RNF144A: variants seen among roughly 807,000 people sequenced by gnomAD.
The protein encoded by RNF144A is E3 ubiquitin-protein ligase RNF144A.
RNF144A carries 11 observed loss-of-function variants against 38.7 expected under a neutral mutation model. The ratio of observed to expected loss-of-function variants is 0.28; its 90% CI spans 0.18 to 0.47. The LOEUF is 0.47. Among genes scored for constraint, RNF144A ranks in the 20% least tolerant of loss-of-function variants. RNF144A has a pLI of 0.99. For synonymous variants in RNF144A, 149 were observed against 143.9 expected (o/e 1.04, Z -0.25); for missense variants, 316 against 377.2 (o/e 0.84, Z 1.34).
At chr2:7,052,370 C>T (rs940255101) in intron 6 of RNF144A, among the ~76,000 whole-genome samples, 8 of 152,114 alleles carry the variant, frequency 5.3e-5, no homozygotes, top group African/African-American at 1.7e-4. Context: ...TTATTTTGTG[C>T]CCATTTTATA....
At chr2:6,923,862 G>A (rs1664700307) in intron 1 of RNF144A, among the ~76,000 whole-genome samples, 1 of 150,040 alleles carries the variant, frequency 6.7e-6, no homozygotes, top group Non-Finnish European at 1.5e-5. Flanking sequence ...ACTGATTTAT[G>A]TAACCATCCT....
At chr2:6,930,650 G>A (rs1665149497) in intron 1 of RNF144A, among the ~76,000 whole-genome samples, 1 of 152,004 alleles carries the variant, frequency 6.6e-6, no homozygotes, top group African/African-American at 2.4e-5. Flanking sequence ...GGAGTGCAGT[G>A]GTGCAATCTC....
chr2:7,067,213 G>A (rs1674269692), intron 6 of RNF144A, among the ~76,000 whole-genome samples: 6 of 152,152 alleles, frequency 3.9e-5, no homozygotes, highest in Admixed American at 3.9e-4. Context: ...AATTCTCCAA[G>A]CTTCCTCCAA....
At chr2:6,972,434 C>T (rs1042554305) in intron 2 of RNF144A, among the ~76,000 whole-genome samples, 1 of 152,106 alleles carries the variant, frequency 6.6e-6, no homozygotes, top group African/African-American at 2.4e-5. Flanking sequence ...CTTATTTTTT[C>T]CTTTTTAGAA....
rs901960341 is a variant in RNF144A, at chr2:7,040,600, C to T, written c.*840C>T. 18 of 985,312 alleles carry T rather than the reference C, an allele frequency of 1.8e-5. No homozygotes were observed. Among genetic ancestry groups the T allele is most frequent in the African/African-American group, 8.7e-5 (5 of 57,228 alleles). 61.0% of individuals were successfully genotyped at this position (985,312 alleles called of 1,614,324 possible). A position where few individuals can be genotyped will look rare whatever the true frequency, so the allele number is the denominator to read the frequency against. On this transcript the variant is annotated 3_prime_UTR_variant, in exon 9 of 9. Transcript: ENST00000320892. ...CCCTTCTCTCCCAGGTAGCAGAAAACGCTTTTTATTGTATTCAATCCCACT... is the reference window on the plus strand; with the variant it reads ...CCCTTCTCTCCCAGGTAGCAGAAAATGCTTTTTATTGTATTCAATCCCACT...
intron 6 of RNF144A, among the ~76,000 whole-genome samples, chr2:7,067,103 A>G (rs111352039): frequency 1.3e-3 from 205 of 152,330 alleles, no homozygotes; most frequent in African/African-American, 4.7e-3. Context: ...GAGAGAAATT[A>G]TGTTTCAGAA....
chr2:7,035,170 G>A (rs2103454499), intron 8 of RNF144A, among the ~76,000 whole-genome samples: 1 of 152,240 alleles, frequency 6.6e-6, no homozygotes, highest in East Asian at 1.9e-4. Flanking sequence ...CTCTTGCCCT[G>A]TTTTGTTCCT....
At chr2:6,990,687 G>C (rs1669308132) in intron 2 of RNF144A, among the ~76,000 whole-genome samples, 2 of 151,784 alleles carry the variant, frequency 1.3e-5, no homozygotes, top group African/African-American at 2.4e-5. Flanking sequence ...TTGCCAGGGG[G>C]GTAAACTTTG....
chr2:7,043,770 C>T lies in RNF144A; in HGVS notation c.*4010C>T, dbSNP rs1012406138. 31 of 985,738 alleles carry T rather than the reference C, an allele frequency of 3.1e-5. No homozygotes were observed. The highest frequency in any genetic ancestry group is 9.4e-5 in the South Asian group (2 of 21,292). 61.1% of individuals were successfully genotyped at this position (985,738 alleles called of 1,614,324 possible). On this transcript the variant is annotated 3_prime_UTR_variant, in exon 9 of 9. Transcript: ENST00000320892. ...TGTGCAATTCTGTCTTCCACAGTTCCGGAGCCTTCAGTGAGGGGTAGCTAC... is the reference window on the plus strand; with the variant it reads ...TGTGCAATTCTGTCTTCCACAGTTCTGGAGCCTTCAGTGAGGGGTAGCTAC...
chr2:7,049,094 G>A (rs1364122257), downstream of RNF144A, among the ~76,000 whole-genome samples: 3 of 152,226 alleles, frequency 2.0e-5, no homozygotes. Context: ...TGCACCTGGA[G>A]GGAAGGCAGG....
At position 7,043,056 on chromosome 2, in the gene RNF144A, C is replaced by T. The variant is rs57704169; in HGVS notation, c.*3296C>T. The T allele has an allele frequency of 5.5e-4, 283 of 513,918 alleles. No individual in the cohort carries two copies. Among genetic ancestry groups the T allele is most frequent in the African/African-American group, 5.4e-3 (261 of 48,048 alleles). 31.8% of individuals were successfully genotyped at this position (513,918 alleles called of 1,614,324 possible). A position where few individuals can be genotyped will look rare whatever the true frequency, so the allele number is the denominator to read the frequency against. On this transcript the variant is annotated 3_prime_UTR_variant, in exon 9 of 9. Coordinates refer to ENST00000320892, the MANE Select transcript of RNF144A (RefSeq NM_014746.6). ...CTAATTTTTGTATTTTCAGTAGAGA[C>T]GGGGTTTCACCATGTTGGCCAGGCT...
downstream of RNF144A, among the ~76,000 whole-genome samples, chr2:7,069,365 C>T (rs1164402519): frequency 1.3e-5 from 2 of 152,180 alleles, no homozygotes; most frequent in Non-Finnish European, 1.5e-5. Flanking sequence ...GCTTGAGCAC[C>T]AGAGGGCTAT....
chr2:7,050,555 T>C (rs1255018445), intron 6 of RNF144A, among the ~76,000 whole-genome samples: 4 of 152,156 alleles, frequency 2.6e-5, no homozygotes, highest in Non-Finnish European at 5.9e-5. Flanking sequence ...CCCAGCCTCC[T>C]CCCTTCTCAC....
At chr2:7,029,886 A>G (rs1423994562) in intron 7 of RNF144A, among the ~76,000 whole-genome samples, 1 of 152,228 alleles carries the variant, frequency 6.6e-6, no homozygotes, top group Non-Finnish European at 1.5e-5. Context: ...AGCTCCCTCT[A>G]GAGCCCGAGG....
chr2:6,945,060 T>C (rs771311), intron 2 of RNF144A, among the ~76,000 whole-genome samples: 35,498 of 152,230 alleles, frequency 0.23, 6,523 homozygotes, highest in African/African-American at 0.49. Context: ...GAAAAGAAAT[T>C]GTTGGTTAAA....
chr2:6,959,492 T>G (rs766055055), intron 2 of RNF144A, among the ~76,000 whole-genome samples: 1 of 152,140 alleles, frequency 6.6e-6, no homozygotes, highest in Admixed American at 6.5e-5. Flanking sequence ...CTGGGTGATA[T>G]AAAGAAAAGA....
intron 2 of RNF144A, among the ~76,000 whole-genome samples, chr2:6,984,371 C>T (rs1668823612): frequency 6.6e-6 from 1 of 151,928 alleles, no homozygotes; most frequent in South Asian, 2.1e-4. Flanking sequence ...GGTGCAATCT[C>T]AGCTCACTGC....
chr2:7,070,427 G>A (rs886925422), downstream of RNF144A, among the ~76,000 whole-genome samples: 1 of 152,152 alleles, frequency 6.6e-6, no homozygotes, highest in Non-Finnish European at 1.5e-5. Flanking sequence ...TGAGGTCAAA[G>A]GAAAACACTG....
intron 1 of RNF144A, among the ~76,000 whole-genome samples, chr2:6,939,170 A>G (rs1665801938): frequency 6.6e-6 from 1 of 152,214 alleles, no homozygotes; most frequent in African/African-American, 2.4e-5. Flanking sequence ...ACTATTTCCT[A>G]AAGCAGCTGC....
Sources: gnomAD v4.1 joint callset for allele counts (sites outside exome capture counted in the v4.1 genomes callset) on GRCh38, gnomAD v4.1.1 for gene constraint, MANE v1.5 for transcripts, NCBI Gene and HGNC (gene_info 2026-07-23, HGNC 2026-07-21) for gene names.